Variants in ABCA13 observed in about 807,000 individuals in gnomAD.
ABCA13 encodes the protein ATP binding cassette subfamily A member 13.
ABCA13 carries 476 observed loss-of-function variants against 478.7 expected under a neutral mutation model. The ratio of observed to expected loss-of-function variants is 0.99; its 90% CI spans 0.92 to 1.07. The LOEUF (loss-of-function observed/expected upper bound fraction) is 1.07. Among genes scored for constraint, ABCA13 ranks in the 50% least tolerant of loss-of-function variants. The pLI, the probability that ABCA13 is intolerant of heterozygous loss-of-function variation, is 0.00. For missense variants in ABCA13, 6,060 were observed against 5,910.6 expected (o/e 1.03, Z -0.83); for synonymous variants, 2,252 against 2,158.9 (o/e 1.04, Z -1.20).
chr7:48,172,669 A>G (rs36137524), intron 1 of ABCA13, among the ~76,000 whole-genome samples: 138,007 of 150,240 alleles, frequency 0.92, 64,199 homozygotes, highest in Non-Finnish European at 0.99. Flanking sequence ...GTGGTGGCGG[A>G]CGTCTGTAGT....
At chr7:48,623,036 A>G (rs1170938375) in intron 59 of ABCA13, among the ~76,000 whole-genome samples, 2 of 152,198 alleles carry the variant, frequency 1.3e-5, no homozygotes, top group African/African-American at 2.4e-5. Flanking sequence ...AACTGCAGCC[A>G]GTCTGACTCC....
intron 3 of ABCA13, among the ~76,000 whole-genome samples, chr7:48,219,142 C>G (rs895794274): frequency 1.3e-5 from 2 of 152,006 alleles, no homozygotes; most frequent in African/African-American, 2.4e-5. Context: ...AGAATGAGAA[C>G]GATTTTCTAA....
chr7:48,234,159 T>G lies in ABCA13; in HGVS notation c.897+8T>G. On this transcript the variant is annotated splice_region_variant and intron_variant, in intron 8 of 61. Transcript: ENST00000435803. ...TCAGCTGAACTGAAGGAGGTACACA[T>G]GCTTGACTGCTTCTCACACCGCTGG... The G allele has an allele frequency of 6.2e-7, 1 of 1,613,838 alleles. No individual in the cohort carries two copies. The highest frequency in any genetic ancestry group is 1.1e-5 in the South Asian group (1 of 91,078).
intron 27 of ABCA13, among the ~76,000 whole-genome samples, chr7:48,318,681 C>T (rs756608969): frequency 2.6e-5 from 4 of 152,086 alleles, no homozygotes; most frequent in Non-Finnish European, 5.9e-5. Flanking sequence ...TCTGGCCTCA[C>T]AGCTGCCATC....
chr7:48,308,966 C>T (rs188666132), intron 23 of ABCA13, among the ~76,000 whole-genome samples: 1 of 145,674 alleles, frequency 6.9e-6, no homozygotes, highest in Admixed American at 7.1e-5. Flanking sequence ...ATGATGTTCA[C>T]ACAATTAAAC....
chr7:48,312,485 G>T (rs887526344), intron 24 of ABCA13, among the ~76,000 whole-genome samples: 2 of 152,088 alleles, frequency 1.3e-5, no homozygotes, highest in African/African-American at 4.8e-5. Context: ...CATTTCAGTT[G>T]GTGATAGCAT....
At chr7:48,560,669 C>A (rs1406816403) in intron 55 of ABCA13, among the ~76,000 whole-genome samples, 3 of 152,052 alleles carry the variant, frequency 2.0e-5, no homozygotes, top group African/African-American at 7.3e-5. Context: ...ATTAGCATAC[C>A]CATTACTTCA....
At chr7:48,366,728 T>C (rs571883139) in intron 31 of ABCA13, among the ~76,000 whole-genome samples, 77 of 152,262 alleles carry the variant, frequency 5.1e-4, no homozygotes, top group African/African-American at 1.6e-3. Flanking sequence ...TCAACTTGTC[T>C]CATGAGAACT....
intron 57 of ABCA13, among the ~76,000 whole-genome samples, chr7:48,589,407 C>T (rs1298194504): frequency 6.6e-6 from 1 of 152,116 alleles, no homozygotes; most frequent in Non-Finnish European, 1.5e-5. Context: ...AATTCCCCTC[C>T]TCTCAGTTTT....
intron 45 of ABCA13, among the ~76,000 whole-genome samples, chr7:48,472,803 A>G (rs1827647475): frequency 6.6e-6 from 1 of 152,172 alleles, no homozygotes; most frequent in Admixed American, 6.5e-5. Context: ...TGTTTAGTGT[A>G]CATGCAGGTC....
chr7:48,301,489 T>C (rs1361027124), intron 23 of ABCA13, among the ~76,000 whole-genome samples: 1 of 152,114 alleles, frequency 6.6e-6, no homozygotes, highest in African/African-American at 2.4e-5. Flanking sequence ...GAAACTCATT[T>C]CAGAGCAGAC....
At chr7:48,248,669 A>G (rs773395258) in intron 14 of ABCA13, among the ~76,000 whole-genome samples, 1 of 152,200 alleles carries the variant, frequency 6.6e-6, no homozygotes, top group Non-Finnish European at 1.5e-5. Flanking sequence ...TTAATCTTTC[A>G]TTAGAAATTG....
In ABCA13 at chr7:48,227,392, A is replaced by C; in HGVS notation, c.599A>C (p.Asp200Ala). The change falls in exon 6 of 62, where the codon GAT becomes GCT. Residue 200 changes from aspartate to alanine, a missense_variant. Physicochemically the swap from Asp to Ala is moderately radical, Grantham distance 126 (BLOSUM62 -2). Around this residue, in one of 3 missense-constraint regions of ABCA13, gnomAD observed 4,423 missense variants for 4,309.1 expected, o/e 1.03. Coordinates refer to ENST00000435803, the MANE Select transcript of ABCA13 (RefSeq NM_152701.5). ...CATGATCATGTGGAAGATGGCATGG[A>C]TGTTGCAGTGAACCTTCTCCAGACC... ...TSHDHVEDGM[D>A]VAVNLLQTIL... The C allele has an allele frequency of 1.2e-6, 2 of 1,614,026 alleles. No homozygotes were observed. The highest frequency in any genetic ancestry group is 1.7e-6 in the Non-Finnish European group (2 of 1,179,890).
At chr7:48,629,893 A>G (rs933879475) in intron 59 of ABCA13, among the ~76,000 whole-genome samples, 1 of 152,162 alleles carries the variant, frequency 6.6e-6, no homozygotes, top group African/African-American at 2.4e-5. Context: ...AACACCACGT[A>G]TAGCTACATG....
intron 59 of ABCA13, among the ~76,000 whole-genome samples, chr7:48,630,614 C>T (rs1794084650): frequency 6.6e-6 from 1 of 152,156 alleles, no homozygotes; most frequent in Non-Finnish European, 1.5e-5. Context: ...CTGCAAAAAA[C>T]ATATACATGC....
chr7:48,425,473 C>T (rs536036309), intron 41 of ABCA13, among the ~76,000 whole-genome samples: 2 of 152,194 alleles, frequency 1.3e-5, no homozygotes, highest in South Asian at 2.1e-4. Flanking sequence ...CTATTTAATT[C>T]CCTATAAATG....
At chr7:48,481,477 A>C (rs1050645328) in intron 46 of ABCA13, among the ~76,000 whole-genome samples, 1 of 152,200 alleles carries the variant, frequency 6.6e-6, no homozygotes, top group African/African-American at 2.4e-5. Flanking sequence ...CACTCTTTTA[A>C]GTGCTGGGGG....
intron 45 of ABCA13, among the ~76,000 whole-genome samples, chr7:48,480,455 C>A (rs1266586814): frequency 6.6e-6 from 1 of 151,870 alleles, no homozygotes; most frequent in Non-Finnish European, 1.5e-5. Context: ...GGAAACAAAG[C>A]ACATTAACTC....
intron 59 of ABCA13, among the ~76,000 whole-genome samples, chr7:48,628,318 T>A (rs1251019617): frequency 2.0e-5 from 3 of 152,194 alleles, no homozygotes; most frequent in Non-Finnish European, 1.5e-5. Context: ...TAAGAAGAGA[T>A]GTCCACAATG....
Sources: allele counts gnomAD v4.1 joint callset (sites outside exome capture counted in the v4.1 genomes callset), GRCh38; gene constraint gnomAD v4.1.1; regional missense constraint gnomAD v4.1.1; transcripts MANE v1.5; gene names NCBI Gene and HGNC (gene_info 2026-07-23, HGNC 2026-07-21).